Variants in ZIC5 observed in about 807,000 individuals in gnomAD.
The protein encoded by ZIC5 is zinc finger protein ZIC 5.
ZIC5 carries 20 observed loss-of-function variants against 28.5 expected under a neutral mutation model. The ratio of observed to expected loss-of-function variants is 0.70; its 90% CI spans 0.49 to 1.02. The LOEUF is 1.02. Ranked by LOEUF, ZIC5 falls within the 50% of genes least tolerant of loss-of-function variation. The pLI is 0.00. For missense variants in ZIC5, 951 were observed against 899.7 expected, an observed-to-expected ratio of 1.06 and a Z score of -0.73; for synonymous variants, 488 against 410.4, an observed-to-expected ratio of 1.19 and a Z score of -2.29.
At chr13:99,968,461 G>A (rs2053118110) in intron 1 of ZIC5, among the ~76,000 whole-genome samples, 2 of 152,076 alleles carry the variant, frequency 1.3e-5, no homozygotes, top group African/African-American at 4.8e-5. Flanking sequence ...GCACGCGCGC[G>A]TGCCCCGGGA....
In ZIC5 at chr13:99,970,810, G is replaced by A; in HGVS notation, c.794C>T (p.Ala265Val). 8.3e-7 allele frequency: 1 copy of A among 1,207,454 alleles called. No individual in the cohort carries two copies. The highest frequency in any genetic ancestry group is 3.7e-5 in the South Asian group (1 of 27,096). The allele number at this position is 1,207,454 out of a possible 1,614,324, so 74.8% of individuals were successfully genotyped here. Residue 265 changes from alanine to valine, a missense_variant, in exon 1 of 2, where the codon GCG becomes GTG. Transcript: ENST00000267294. ...GQMRLGLAAA[A>V]AAAAAELYGR... is the part of the protein sequence containing the mutation. ...GTACAGCTCAGCCGCCGCGGCTGCC[G>A]CTGCCGCCGCCAGCCCCAGGCGCAT...
chr13:99,969,656 AC>A (rs1241830157), intron 1 of ZIC5, among the ~76,000 whole-genome samples: 8 of 151,930 alleles, frequency 5.3e-5, no homozygotes, highest in Admixed American at 5.2e-4. Flanking sequence ...GAGCGCGGAG[AC>A]TGCGCGGGGC....
Position 99,970,955 on chromosome 13 carries a change from A to T in ZIC5, c.649T>A (p.Phe217Ile). The change falls in exon 1 of 2, where the codon TTC becomes ATC. Residue 217 changes from phenylalanine to isoleucine, a missense_variant. Phe to Ile is a conservative substitution (Grantham distance 21). Transcript: ENST00000267294. ...GCGTAGGTGCCGCTGGCGGAGATGA[A>T]CATGCCGGCCGAGTGGGGAGGCGGG... Reference protein sequence around the residue: ...PAPPPHSAGMFISASGTYAGP... With the variant: ...PAPPPHSAGMIISASGTYAGP... 7.2e-7 allele frequency: 1 copy of T among 1,398,030 alleles called. No individual in the cohort carries two copies. Among genetic ancestry groups the T allele is most frequent in the Non-Finnish European group, 9.2e-7 (1 of 1,087,596 alleles). The allele number at this position is 1,398,030 out of a possible 1,614,324, so 86.6% of individuals were successfully genotyped here.
At chr13:99,969,907 GGC>G (rs1296637548) in intron 1 of ZIC5, among the ~76,000 whole-genome samples, 1 of 151,878 alleles carries the variant, frequency 6.6e-6, no homozygotes, top group Non-Finnish European at 1.5e-5. Context: ...CCCAACGCGG[GGC>G]CTGTGTGTGC....
intron 1 of ZIC5, among the ~76,000 whole-genome samples, chr13:99,966,972 GAATT>G (rs1223232903): frequency 6.6e-6 from 1 of 152,220 alleles, no homozygotes. Context: ...ACATATTATT[GAATT>G]AATATTTTCC....
At position 99,970,573 on chromosome 13, in the gene ZIC5, T is replaced by A. The variant is rs905616806; in HGVS notation, c.1031A>T (p.Gln344Leu). 7.9e-6 allele frequency: 8 copies of A among 1,008,658 alleles called. No homozygotes were observed. The highest frequency in any genetic ancestry group is 1.8e-5 in the African/African-American group (1 of 55,246). The allele number at this position is 1,008,658 out of a possible 1,614,324, so 62.5% of individuals were successfully genotyped here. Residue 344 changes from glutamine (Q) to leucine (L), a missense_variant, in exon 1 of 2, where the codon CAG becomes CTG. By Grantham distance (113) the Gln-to-Leu change is moderately radical. This residue lies in a region of ZIC5 where 784 missense variants were observed against 660.1 expected (regional missense o/e 1.19). Transcript: ENST00000267294. ...GTGGGGGTGGTGCTGGTGCGGGTGC[T>A]GCGCGGGCGCCGGCGGCGGCGGCGG... ...PAPPPPPAPA[Q>L]HPHQHHPHLP... is the part of the protein sequence containing the mutation.
In ZIC5 at chr13:99,971,238, CT is replaced by C. The variant is rs917391027; in HGVS notation, c.365del (p.Gln122ArgfsTer185). ...YPCGGGSSGA[Q>X]PSAPPPPAPP... ...GGGCTGGGGGCGGGGGCGCGGAGGG[CT>C]GCGCGCCACTGCTGCCCCCGCCGCA... On this transcript the variant is annotated frameshift_variant, in exon 1 of 2. Coordinates refer to ENST00000267294, the MANE Select transcript of ZIC5 (RefSeq NM_033132.5). LOFTEE classifies it high-confidence loss of function. The C allele has an allele frequency of 7.6e-7, 1 of 1,312,750 alleles. No homozygotes were observed. The highest frequency in any genetic ancestry group is 1.6e-5 in the African/African-American group (1 of 64,346). The allele number at this position is 1,312,750 out of a possible 1,614,324, so 81.3% of individuals were successfully genotyped here. A position where few individuals can be genotyped will look rare whatever the true frequency, so the allele number is the denominator to read the frequency against.
At position 99,964,654 on chromosome 13, in the gene ZIC5, T is replaced by C. The variant is rs555174139; in HGVS notation, c.*723A>G. The C allele has an allele frequency of 3.1e-4, 48 of 152,756 alleles. No individual in the cohort carries two copies. Among genetic ancestry groups the C allele is most frequent in the African/African-American group, 9.6e-4 (40 of 41,580 alleles). 9.5% of individuals were successfully genotyped at this position (152,756 alleles called of 1,614,324 possible). A position where few individuals can be genotyped will look rare whatever the true frequency, so the allele number is the denominator to read the frequency against. On this transcript the variant is annotated 3_prime_UTR_variant, in exon 2 of 2. Transcript: ENST00000267294. The stretch of plus-strand genomic sequence containing the variant: ...GAGATATATTAAGGTTGCTGCATCT[T>C]TTTTTAAAATCACACAGTAGGATAC...
In ZIC5 at chr13:99,965,321, G is replaced by T. The variant is rs1460198472; in HGVS notation, c.*56C>A. On this transcript the variant is annotated 3_prime_UTR_variant, in exon 2 of 2. Transcript: ENST00000267294. ...CAGGCTCGGCATTGTCTCAGGTTAG[G>T]ATGTGGTCCAAGGACTCCCACTTAT... The T allele has an allele frequency of 1.3e-6, 2 of 1,523,172 alleles. No individual in the cohort carries two copies. Among genetic ancestry groups the T allele is most frequent in the Non-Finnish European group, 1.8e-6 (2 of 1,129,140 alleles). 94.4% of individuals were successfully genotyped at this position (1,523,172 alleles called of 1,614,324 possible).
In ZIC5 at chr13:99,971,614, C is replaced by G; in HGVS notation, c.-11G>C. The G allele has an allele frequency of 6.4e-7, 1 of 1,559,420 alleles. No individual in the cohort carries two copies. The highest frequency in any genetic ancestry group is 8.7e-7 in the Non-Finnish European group (1 of 1,150,474). The stretch of plus-strand genomic sequence containing the variant: ...CAAAGGGGGCTCCATCAGAACTACA[C>G]AATCAGGCCCATAGACCCTCACTGG... On this transcript the variant is annotated 5_prime_UTR_variant, in exon 1 of 2. Coordinates refer to ENST00000267294, the MANE Select transcript of ZIC5 (RefSeq NM_033132.5).
chr13:99,970,050 G>C (rs940120242), intron 1 of ZIC5, 77 bp downstream of exon 1: 1 of 1,593,098 alleles, frequency 6.3e-7, no homozygotes, highest in African/African-American at 1.4e-5. Flanking sequence ...GGAGGAGGAG[G>C]AGAAGCAGCG....
rs888971661 is a variant in ZIC5 at position 99,970,818 on chromosome 13, C to T, written c.786G>A (p.Ala262=). 6.2e-5 allele frequency: 75 copies of T among 1,217,274 alleles called. No homozygotes were observed. Among genetic ancestry groups the T allele is most frequent in the Non-Finnish European group, 7.3e-5 (72 of 982,910 alleles). The allele number at this position is 1,217,274 out of a possible 1,614,324, so 75.4% of individuals were successfully genotyped here. The change falls in exon 1 of 2, where the codon GCG becomes GCA. Residue 262 remains alanine, a synonymous_variant. Coordinates refer to ENST00000267294, the MANE Select transcript of ZIC5 (RefSeq NM_033132.5). ...PLNGQMRLGL[A]AAAAAAAAEL... ...CAGCCGCCGCGGCTGCCGCTGCCGC[C>T]GCCAGCCCCAGGCGCATCTGGCCGT... is the stretch of plus-strand genomic sequence containing the variant.
In ZIC5 at chr13:99,963,327, A is replaced by G. The variant is rs924423848; in HGVS notation, c.*2050T>C. The G allele has an allele frequency of 9.2e-5, 14 of 152,596 alleles. No individual in the cohort carries two copies. Among genetic ancestry groups the G allele is most frequent in the Admixed American group, 7.9e-4 (12 of 15,276 alleles). The allele number at this position is 152,596 out of a possible 1,614,324, so 9.5% of individuals were successfully genotyped here. On this transcript the variant is annotated 3_prime_UTR_variant, in exon 2 of 2. Transcript: ENST00000267294. Reference sequence around the variant, plus strand: ...TACGATACATAAATTATCCCCCCAAAAGTTCATACCTTTTCTATTTGAAAG... The same window carrying G: ...TACGATACATAAATTATCCCCCCAAGAGTTCATACCTTTTCTATTTGAAAG...
At chr13:99,967,174 A>G (rs2053106643) in intron 1 of ZIC5, among the ~76,000 whole-genome samples, 1 of 152,204 alleles carries the variant, frequency 6.6e-6, no homozygotes, top group Non-Finnish European at 1.5e-5. Context: ...CAGATATTTT[A>G]CTGTAGTGAG....
chr13:99,965,841 G>C, intron 1 of ZIC5, 22 bp from the exon 2 acceptor site: 1 of 1,593,766 alleles, frequency 6.3e-7, no homozygotes, highest in Non-Finnish European at 8.6e-7. Context: ...CACAGGAAAG[G>C]TCAACAATGG....
At chr13:99,968,071 C>G (rs367590977) in intron 1 of ZIC5, among the ~76,000 whole-genome samples, 1 of 152,200 alleles carries the variant, frequency 6.6e-6, no homozygotes, top group African/African-American at 2.4e-5. Context: ...GGACTGGGGG[C>G]ACGTGGGTCA....
chr13:99,964,298 G>A lies in ZIC5; in HGVS notation c.*1079C>T, dbSNP rs1231318411. On this transcript the variant is annotated 3_prime_UTR_variant, in exon 2 of 2. Transcript: ENST00000267294. ...GACTTTTTAAAAGGCTGATACAACA[G>A]TATAAAAGAGGTGTTGGCCTGTTTT... 6.6e-6 allele frequency: 1 copy of A among 152,150 alleles called. No homozygotes were observed. The highest frequency in any genetic ancestry group is 2.4e-5 in the African/African-American group (1 of 41,450). The allele number at this position is 152,150 out of a possible 1,614,324, so 9.4% of individuals were successfully genotyped here.
chr13:99,967,612 C>A (rs2053109742), intron 1 of ZIC5, among the ~76,000 whole-genome samples: 2 of 152,216 alleles, frequency 1.3e-5, no homozygotes, highest in Admixed American at 6.5e-5. Flanking sequence ...TGTTTTTGAG[C>A]ATGGTCGTTT....
Position 99,970,410 on chromosome 13 carries a change from C to A in ZIC5, c.1194G>T (p.Pro398=). Residue 398 remains proline (P), a synonymous_variant, in exon 1 of 2, where the codon CCG becomes CCT. Transcript: ENST00000267294. ...AGGGCTTGGCGCCGCCGGCCGGGGGCGGTGGCGGCGGCGGCGGCGGCGGCG... is the reference window on the plus strand; with the variant it reads ...AGGGCTTGGCGCCGCCGGCCGGGGGAGGTGGCGGCGGCGGCGGCGGCGGCG... ...PPPPPPPPPP[P]PPAGGAKPCS... The A allele has an allele frequency of 8.6e-7, 1 of 1,158,848 alleles. No homozygotes were observed. 71.8% of individuals were successfully genotyped at this position (1,158,848 alleles called of 1,614,324 possible). A position where few individuals can be genotyped will look rare whatever the true frequency, so the allele number is the denominator to read the frequency against.
Sources: allele counts gnomAD v4.1 joint callset (sites outside exome capture counted in the v4.1 genomes callset), GRCh38; gene constraint gnomAD v4.1.1; regional missense constraint gnomAD v4.1.1; transcripts MANE v1.5; gene names NCBI Gene and HGNC (gene_info 2026-07-23, HGNC 2026-07-21).